Variants in G3BP2 observed in about 807,000 individuals in gnomAD.
The protein encoded by G3BP2 is ras GTPase-activating protein-binding protein 2.
In G3BP2, 11 loss-of-function variants were observed where a neutral mutation model predicts 56.7. The ratio of observed to expected loss-of-function variants is 0.19; its 90% CI spans 0.12 to 0.32. G3BP2 has a LOEUF of 0.32. Among genes scored for constraint, G3BP2 ranks in the 10% least tolerant of loss-of-function variants. The probability of loss-of-function intolerance (pLI) is 1.00; values close to 1 mark genes in which losing one functional copy is unlikely to be tolerated. For missense variants in G3BP2, 340 were observed against 610.9 expected, an observed-to-expected ratio of 0.56 and a Z score of 4.67; for synonymous variants, 165 against 191.6, an observed-to-expected ratio of 0.86 and a Z score of 1.15.
rs1383222450 is a variant in G3BP2, at chr4:75,655,063, A to C, written c.726+3T>G. 5.6e-6 allele frequency: 9 copies of C among 1,605,264 alleles called. No homozygotes were observed. In the African/African-American group the frequency reaches 6.7e-5, roughly 12 times the overall value. On this transcript the variant is annotated splice_donor_region_variant and intron_variant, in intron 7 of 11. Transcript: ENST00000359707. ...GTAAGTCTAAAGAGTTCTTTGATCTAACCTTTGGTGGTTCTTGTGGCAGAG... is the reference window on the plus strand; with the variant it reads ...GTAAGTCTAAAGAGTTCTTTGATCTCACCTTTGGTGGTTCTTGTGGCAGAG...
intron 2 of G3BP2, among the ~76,000 whole-genome samples, chr4:75,720,973 CAAAAA>C (rs143804378): frequency 0.063 from 4,344 of 69,496 alleles, 200 homozygotes; most frequent in African/African-American, 0.17. Flanking sequence ...TTCATCTCTA[CAAAAA>C]AAAAAAAAAA....
chr4:75,663,891 C>G (rs1450528814), intron 1 of G3BP2, among the ~76,000 whole-genome samples: 1 of 152,150 alleles, frequency 6.6e-6, no homozygotes, highest in Non-Finnish European at 1.5e-5. Flanking sequence ...GAAATATAAC[C>G]TATTTTATTT....
intron 3 of G3BP2, among the ~76,000 whole-genome samples, chr4:75,703,776 T>A (rs1719435850): frequency 6.6e-6 from 1 of 152,210 alleles, no homozygotes; most frequent in Non-Finnish European, 1.5e-5. Flanking sequence ...GATCCTGAGC[T>A]TACCTTTCAT....
chr4:75,668,583 C>T (rs1381986935), intron 1 of G3BP2, among the ~76,000 whole-genome samples: 2 of 152,144 alleles, frequency 1.3e-5, no homozygotes, highest in African/African-American at 4.8e-5. Flanking sequence ...ACAGGTATTC[C>T]AGAGACTAAC....
chr4:75,681,528 G>A (rs1025540985), intron 3 of G3BP2, among the ~76,000 whole-genome samples: 2 of 151,762 alleles, frequency 1.3e-5, no homozygotes, highest in African/African-American at 4.8e-5. Context: ...CACAGTAAGA[G>A]ATTAACAATT....
chr4:75,670,472 G>C (rs1733400515), intron 1 of G3BP2: 1 of 152,140 alleles, frequency 6.6e-6, no homozygotes, highest in Admixed American at 6.6e-5. Flanking sequence ...GTAAGTTATG[G>C]ATTAAATCTC....
intron 3 of G3BP2, among the ~76,000 whole-genome samples, chr4:75,684,850 C>A (rs528527525): frequency 5.9e-5 from 9 of 151,452 alleles, no homozygotes; most frequent in Non-Finnish European, 1.2e-4. Flanking sequence ...GGGTCTATGT[C>A]CTAAAAGGTT....
intron 3 of G3BP2, among the ~76,000 whole-genome samples, chr4:75,681,620 C>T (rs1002222192): frequency 6.6e-6 from 1 of 151,784 alleles, no homozygotes; most frequent in Non-Finnish European, 1.5e-5. Flanking sequence ...GAGGCTGAGG[C>T]AGGTGGATCA....
At chr4:75,707,348 G>A (rs550376278) in intron 3 of G3BP2, among the ~76,000 whole-genome samples, 2 of 152,064 alleles carry the variant, frequency 1.3e-5, no homozygotes, top group South Asian at 2.1e-4. Flanking sequence ...TATCGGCAGC[G>A]CCGTGGCTCA....
intron 3 of G3BP2, among the ~76,000 whole-genome samples, chr4:75,680,279 G>T (rs911639679): frequency 5.3e-5 from 8 of 152,052 alleles, no homozygotes; most frequent in African/African-American, 1.9e-4. Context: ...TCTGAGGGGG[G>T]ATAGGAAGTT....
intron 3 of G3BP2, among the ~76,000 whole-genome samples, chr4:75,685,914 A>G (rs1470366003): frequency 6.6e-6 from 1 of 152,204 alleles, no homozygotes; most frequent in African/African-American, 2.4e-5. Flanking sequence ...TAGAAGAAAA[A>G]TGTCCAGTGT....
At chr4:75,685,800 A>G (rs994573066) in intron 3 of G3BP2, among the ~76,000 whole-genome samples, 8 of 152,204 alleles carry the variant, frequency 5.3e-5, no homozygotes, top group Non-Finnish European at 7.4e-5. Flanking sequence ...GCTTCCAGAC[A>G]TGGTTCCTAA....
chr4:75,661,286 C>G (rs1218725715), intron 2 of G3BP2, among the ~76,000 whole-genome samples: 5 of 152,050 alleles, frequency 3.3e-5, no homozygotes, highest in African/African-American at 1.2e-4. Context: ...CTGCCACACA[C>G]CCGGCTAATT....
rs1318967029 is a variant in G3BP2 at position 75,645,369 on chromosome 4, A to G, written c.*61T>C. 1 of 1,492,590 alleles carries G rather than the reference A, an allele frequency of 6.7e-7. No individual in the cohort carries two copies. The highest frequency in any genetic ancestry group is 2.3e-5 in the East Asian group (1 of 43,798). The allele number at this position is 1,492,590 out of a possible 1,614,324, so 92.5% of individuals were successfully genotyped here. A position where few individuals can be genotyped will look rare whatever the true frequency, so the allele number is the denominator to read the frequency against. Reference sequence around the variant, plus strand: ...ACATTCCAAAGCCAAAAAAAAAATTAACAAGAATGCAAACACGATGAATAA... The same window carrying G: ...ACATTCCAAAGCCAAAAAAAAAATTGACAAGAATGCAAACACGATGAATAA... On this transcript the variant is annotated 3_prime_UTR_variant, in exon 12 of 12. Coordinates refer to ENST00000359707, the MANE Select transcript of G3BP2 (RefSeq NM_203505.3).
In G3BP2 at chr4:75,715,412, T is replaced by C. The variant is rs75075401; in HGVS notation, c.-25+5465A>G. Among the ~76,000 whole-genome samples the C allele has an allele frequency of 5.7e-3, 867 of 152,338 alleles. 8 individuals are homozygous for C. The highest frequency in any genetic ancestry group is 0.02 in the African/African-American group (832 of 41,578). ...CTCACACTCGATCCTCACTGTATCC[T>C]TCACAGAAATCCTTCTACCCTCTCT... On this transcript the variant is annotated intron_variant, in intron 3 of 3. Transcript: ENST00000499709.
chr4:75,690,571 T>C (rs564915926), intron 3 of G3BP2, among the ~76,000 whole-genome samples: 1 of 152,248 alleles, frequency 6.6e-6, no homozygotes, highest in Admixed American at 6.5e-5. Context: ...GTATGGAGTT[T>C]CTTTCTGAAG....
intron 5 of G3BP2, 104 bp from the exon 6 acceptor site, chr4:75,655,974 A>G: frequency 1.5e-6 from 1 of 650,162 alleles, no homozygotes; most frequent in Non-Finnish European, 2.7e-6. Context: ...CAAAAAAGAA[A>G]ATTTGACAAT....
In G3BP2 at chr4:75,655,864, T is replaced by C; in HGVS notation, c.449A>G (p.Glu150Gly). Reference sequence around the variant, plus strand: ...TTCTTGTTCCTCTTCTACTTCATCTTCTGATTCTGAAAATACATAATACAG... The same window carrying C: ...TTCTTGTTCCTCTTCTACTTCATCTCCTGATTCTGAAAATACATAATACAG... ...DSEPELDEES[E>G]DEVEEEQEER... Residue 150 changes from glutamate (E) to glycine (G), a missense_variant, in exon 6 of 12, where the codon GAA (glutamate) becomes GGA (glycine). Around this residue, in one of 4 missense-constraint regions of G3BP2, gnomAD observed 224 missense variants for 332.5 expected, o/e 0.67. Coordinates refer to ENST00000359707, the MANE Select transcript of G3BP2 (RefSeq NM_203505.3). 4 of 1,520,748 alleles carry C rather than the reference T, an allele frequency of 2.6e-6. No individual in the cohort carries two copies. The highest frequency in any genetic ancestry group is 1.4e-5 in the African/African-American group (1 of 73,234). 94.2% of individuals were successfully genotyped at this position (1,520,748 alleles called of 1,614,324 possible).
At chr4:75,665,444 T>C (rs1321557213) in intron 1 of G3BP2, among the ~76,000 whole-genome samples, 1 of 152,098 alleles carries the variant, frequency 6.6e-6, no homozygotes, top group East Asian at 1.9e-4. Context: ...GACTCACATA[T>C]GCTACATTTA....
Sources: allele counts gnomAD v4.1 joint callset (sites outside exome capture counted in the v4.1 genomes callset), GRCh38; gene constraint gnomAD v4.1.1; regional missense constraint gnomAD v4.1.1; transcripts MANE v1.5; gene names NCBI Gene and HGNC (gene_info 2026-07-23, HGNC 2026-07-21).